The following ERG variants were observed in gnomAD, a reference collection of about 807,000 sequenced individuals.
ERG encodes the protein transcriptional regulator ERG.
Under a neutral mutation model 55.3 loss-of-function variants are expected in ERG, and 9 were observed. The ratio of observed to expected loss-of-function variants is 0.16; its 90% CI spans 0.10 to 0.28. ERG has a LOEUF of 0.28. ERG is among the 10% of genes least tolerant of loss of function. The probability of loss-of-function intolerance (pLI) is 1.00; values close to 1 mark genes in which losing one functional copy is unlikely to be tolerated. For synonymous variants in ERG, 223 were observed against 237.3 expected, an observed-to-expected ratio of 0.94 and a Z score of 0.55; for missense variants, 434 against 631.6, an observed-to-expected ratio of 0.69 and a Z score of 3.35.
At chr21:38,472,752 T>C (rs1343395857) in intron 1 of ERG, among the ~76,000 whole-genome samples, 3 of 152,208 alleles carry the variant, frequency 2.0e-5, no homozygotes, top group Admixed American at 6.5e-5. Context: ...GTGTCTCAGC[T>C]ACTAAGTTTC....
intron 2 of ERG, among the ~76,000 whole-genome samples, chr21:38,537,721 T>C (rs1349715091): frequency 6.6e-6 from 1 of 152,096 alleles, no homozygotes. Context: ...GCACTGGTGG[T>C]GGGAGAGTAA....
chr21:38,543,438 C>A (rs1007066379), intron 2 of ERG, among the ~76,000 whole-genome samples: 1 of 151,162 alleles, frequency 6.6e-6, no homozygotes, highest in Admixed American at 6.6e-5. Flanking sequence ...TGTATATACA[C>A]ATATCTTTAT....
At chr21:38,554,435 T>G (rs999522920) in intron 2 of ERG, among the ~76,000 whole-genome samples, 7 of 152,158 alleles carry the variant, frequency 4.6e-5, no homozygotes, top group Non-Finnish European at 1.0e-4. Context: ...CCATCAGTGG[T>G]GGACTGGATA....
At chr21:38,573,125 G>A (rs1488228994) in intron 2 of ERG, among the ~76,000 whole-genome samples, 2 of 152,338 alleles carry the variant, frequency 1.3e-5, no homozygotes, top group East Asian at 3.9e-4. Context: ...AGTATACTTG[G>A]TAAAAGTCAT....
chr21:38,616,176 C>G (rs561012321), intron 1 of ERG, among the ~76,000 whole-genome samples: 1 of 152,292 alleles, frequency 6.6e-6, no homozygotes, highest in South Asian at 2.1e-4. Context: ...AAGAAGGTGC[C>G]TGCTTCCCCT....
At chr21:38,504,607 T>C (rs1008777802) in intron 2 of ERG, among the ~76,000 whole-genome samples, 23 of 152,228 alleles carry the variant, frequency 1.5e-4, no homozygotes, top group African/African-American at 5.5e-4. Flanking sequence ...TGAGCATAGA[T>C]GCTACAGACA....
At chr21:38,545,575 T>G (rs1178130692) in intron 2 of ERG, among the ~76,000 whole-genome samples, 1 of 152,202 alleles carries the variant, frequency 6.6e-6, no homozygotes, top group African/African-American at 2.4e-5. Context: ...AAAACATCTC[T>G]TGACTCCACT....
At chr21:38,519,238 T>C (rs1358615209) in intron 2 of ERG, among the ~76,000 whole-genome samples, 4 of 152,060 alleles carry the variant, frequency 2.6e-5, no homozygotes, top group Admixed American at 2.0e-4. Context: ...CATATTCAAA[T>C]AGGTAAGTGA....
At chr21:38,407,884 A>AAT (rs1223004953) in intron 3 of ERG, among the ~76,000 whole-genome samples, 1 of 147,602 alleles carries the variant, frequency 6.8e-6, no homozygotes, top group African/African-American at 2.5e-5. Context: ...TAAAATATAT[A>AAT]ATATATATAG....
chr21:38,514,265 T>C (rs955661751), intron 2 of ERG, among the ~76,000 whole-genome samples: 2 of 150,978 alleles, frequency 1.3e-5, no homozygotes, highest in Non-Finnish European at 3.0e-5. Flanking sequence ...GCTTTTCAGA[T>C]AAAAGAAAAG....
intron 2 of ERG, among the ~76,000 whole-genome samples, chr21:38,443,668 T>G (rs764901985): frequency 6.6e-6 from 1 of 152,018 alleles, no homozygotes; most frequent in Non-Finnish European, 1.5e-5. Flanking sequence ...AAAAAATATT[T>G]ACATGTAATC....
At chr21:38,609,156 A>C (rs553381479) in intron 1 of ERG, among the ~76,000 whole-genome samples, 43 of 152,218 alleles carry the variant, frequency 2.8e-4, no homozygotes, top group Non-Finnish European at 4.3e-4. Flanking sequence ...CCAGACAGTA[A>C]CAAGGGATGT....
intron 1 of ERG, among the ~76,000 whole-genome samples, chr21:38,482,718 C>T (rs2059248931): frequency 6.6e-6 from 1 of 151,354 alleles, no homozygotes; most frequent in South Asian, 2.1e-4. Flanking sequence ...CAGTCTGTTG[C>T]CCAGGCTGGA....
chr21:38,601,913 CCT>C (rs1269746675), intron 1 of ERG, among the ~76,000 whole-genome samples: 8 of 151,824 alleles, frequency 5.3e-5, no homozygotes, highest in African/African-American at 1.9e-4. Context: ...ATGGTGTCTC[CCT>C]CTGTTGCCCA....
chr21:38,539,398 G>T (rs73215974), intron 2 of ERG, among the ~76,000 whole-genome samples: 10,126 of 152,114 alleles, frequency 0.067, 522 homozygotes, highest in East Asian at 0.18. Flanking sequence ...TTCCATTTTG[G>T]CTATGCTGGA....
intron 2 of ERG, among the ~76,000 whole-genome samples, chr21:38,425,413 AAG>A (rs1009463764): frequency 1.3e-5 from 2 of 151,786 alleles, no homozygotes; most frequent in Non-Finnish European, 2.9e-5. Flanking sequence ...GAAAGAAAGA[AAG>A]AGAGAGAGAA....
intron 2 of ERG, 49 bp downstream of exon 2, chr21:38,445,355 G>A (rs1395704467): frequency 2.0e-6 from 3 of 1,489,008 alleles, no homozygotes; most frequent in African/African-American, 2.8e-5. Flanking sequence ...CTTTGCAAAG[G>A]ATAGGAAAAT....
intron 2 of ERG, among the ~76,000 whole-genome samples, chr21:38,440,863 T>C (rs1159961376): frequency 1.3e-5 from 2 of 151,174 alleles, no homozygotes. Context: ...GGCAGTCCTT[T>C]GTCTGCCCCA....
At chr21:38,580,499 GA>G (rs1467311894) in intron 1 of ERG, among the ~76,000 whole-genome samples, 3 of 152,158 alleles carry the variant, frequency 2.0e-5, no homozygotes, top group Non-Finnish European at 1.5e-5. Flanking sequence ...AACCCTTGCA[GA>G]ACTTCACTCT....
Sources: allele counts gnomAD v4.1 joint callset (sites outside exome capture counted in the v4.1 genomes callset), GRCh38; gene constraint gnomAD v4.1.1; transcripts MANE v1.5; gene names NCBI Gene and HGNC (gene_info 2026-07-23, HGNC 2026-07-21).